The following SEM1 variants were observed in gnomAD, a reference collection of about 807,000 sequenced individuals.
SEM1 encodes the protein SEM1 26S proteasome subunit.
A neutral mutation model predicts 12.7 loss-of-function variants in SEM1; 3 were observed. The observed-to-expected ratio is 0.24, with a 90% CI of 0.11 to 0.61. The LOEUF is 0.61. Among genes scored for constraint, SEM1 ranks in the 20% least tolerant of loss-of-function variants. The pLI, the probability that SEM1 is intolerant of heterozygous loss-of-function variation, is 0.88. For missense variants in SEM1, 59 were observed against 81.3 expected (o/e 0.73, Z 1.06); for synonymous variants, 30 against 27.8 (o/e 1.08, Z -0.25).
intron 1 of SEM1, chr7:96,696,541 C>T (rs138654853): frequency 6.6e-6 from 1 of 151,910 alleles, no homozygotes; most frequent in African/African-American, 2.4e-5. Flanking sequence ...TGAGAAATAA[C>T]CTTTCTATTA....
intron 2 of SEM1, among the ~76,000 whole-genome samples, chr7:96,521,796 C>T (rs1308177999): frequency 6.6e-6 from 1 of 152,052 alleles, no homozygotes; most frequent in African/African-American, 2.4e-5. Context: ...TAAGTTTTTC[C>T]ATTTCACTGC....
intron 2 of SEM1, among the ~76,000 whole-genome samples, chr7:96,630,986 T>C (rs1052601142): frequency 1.7e-4 from 26 of 152,234 alleles, no homozygotes; most frequent in Admixed American, 1.7e-3. Flanking sequence ...CCTATCCTGC[T>C]GTGGCTGAGC....
intron 2 of SEM1, among the ~76,000 whole-genome samples, chr7:96,516,365 C>G (rs963003720): frequency 1.3e-5 from 2 of 152,016 alleles, no homozygotes; most frequent in East Asian, 3.9e-4. Context: ...CCAAAATAGA[C>G]AAAGAATTCT....
At chr7:96,497,103 A>T (rs1335797280), upstream of SEM1, among the ~76,000 whole-genome samples, 1 of 152,094 alleles carries the variant, frequency 6.6e-6, no homozygotes, top group African/African-American at 2.4e-5. Flanking sequence ...TATTAGTATG[A>T]TTCTGCATAA....
intron 2 of SEM1, among the ~76,000 whole-genome samples, chr7:96,585,653 G>C (rs914105889): frequency 6.6e-6 from 1 of 152,220 alleles, no homozygotes. Context: ...AGCCAGGTGC[G>C]GGATATAATC....
At chr7:96,677,284 C>T (rs941356849) in intron 2 of SEM1, among the ~76,000 whole-genome samples, 5 of 152,020 alleles carry the variant, frequency 3.3e-5, no homozygotes, top group Admixed American at 1.3e-4. Context: ...ACAGGTCTCC[C>T]GACATCAAGC....
intron 2 of SEM1, among the ~76,000 whole-genome samples, chr7:96,690,942 T>A (rs572298536): frequency 6.6e-6 from 1 of 152,226 alleles, no homozygotes; most frequent in African/African-American, 2.4e-5. Context: ...AGCTAATTTT[T>A]TTGTATTTTT....
intron 2 of SEM1, among the ~76,000 whole-genome samples, chr7:96,513,580 G>A (rs1803996342): frequency 6.6e-6 from 1 of 152,088 alleles, no homozygotes; most frequent in South Asian, 2.1e-4. Flanking sequence ...TGTAATCCCA[G>A]CATTTTAGGA....
intron 2 of SEM1, among the ~76,000 whole-genome samples, chr7:96,660,152 A>G (rs1439954165): frequency 6.6e-6 from 1 of 152,196 alleles, no homozygotes; most frequent in Non-Finnish European, 1.5e-5. Flanking sequence ...GATGGCTATA[A>G]TAACAGCAGA....
At position 96,674,875 on chromosome 7, in the gene SEM1, G is replaced by A. The variant is rs182841987; in HGVS notation, c.171-1016C>T. Among the ~76,000 whole-genome samples the A allele has an allele frequency of 3.3e-5, 5 of 152,206 alleles. No individual in the cohort carries two copies. The East Asian group carries it at 9.7e-4, about 30-fold the overall frequency. ...GACTCTTGACCAAGAGCCAACAAAC[G>A]GAATCCCTGTTATGCTCTCTTCTGT... On this transcript the variant is annotated intron_variant, in intron 2 of 2. Coordinates refer to the SEM1 transcript ENST00000413065.
At chr7:96,497,532 G>A (rs928826404), upstream of SEM1, among the ~76,000 whole-genome samples, 1 of 152,096 alleles carries the variant, frequency 6.6e-6, no homozygotes, top group African/African-American at 2.4e-5. Context: ...TATCACATTT[G>A]TTACTCCTTT....
intron 2 of SEM1, among the ~76,000 whole-genome samples, chr7:96,609,674 G>A (rs1225147596): frequency 6.6e-6 from 1 of 152,168 alleles, no homozygotes; most frequent in Admixed American, 6.5e-5. Context: ...TTGTACAAAA[G>A]TAATTGATAC....
chr7:96,505,603 C>A (rs1803731727), intron 3 of SEM1, among the ~76,000 whole-genome samples: 1 of 152,070 alleles, frequency 6.6e-6, no homozygotes, highest in Admixed American at 6.5e-5. Context: ...TAACAAAATA[C>A]CATATACTGG....
At chr7:96,637,712 G>C (rs750325006) in intron 2 of SEM1, among the ~76,000 whole-genome samples, 6 of 151,968 alleles carry the variant, frequency 3.9e-5, no homozygotes, top group Non-Finnish European at 1.5e-5. Flanking sequence ...CCTTTAGTCT[G>C]ACTGTTCTGC....
At chr7:96,542,646 GTAGA>G (rs1199493591) in intron 2 of SEM1, among the ~76,000 whole-genome samples, 7 of 151,842 alleles carry the variant, frequency 4.6e-5, no homozygotes, top group Non-Finnish European at 2.9e-5. Context: ...TGTTAAATAA[GTAGA>G]TAGCATTATT....
intron 2 of SEM1, among the ~76,000 whole-genome samples, chr7:96,568,800 CTT>C (rs1473777348): frequency 2.0e-5 from 3 of 151,686 alleles, no homozygotes; most frequent in Admixed American, 1.3e-4. Context: ...TAAAACAAAA[CTT>C]GTGTTTTGAA....
intron 2 of SEM1, among the ~76,000 whole-genome samples, chr7:96,586,004 T>C (rs1289380048): frequency 6.6e-6 from 1 of 152,196 alleles, no homozygotes; most frequent in Non-Finnish European, 1.5e-5. Flanking sequence ...ATTATTTCAG[T>C]TTTAAAAAAG....
At chr7:96,486,077 A>T in intron 2 of SEM1, 1 of 670,748 alleles carries the variant, frequency 1.5e-6, no homozygotes, top group Non-Finnish European at 2.5e-6. Flanking sequence ...ATCACGTGTA[A>T]AGATCACGGT....
At chr7:96,685,774 A>G (rs1789744547), downstream of SEM1, among the ~76,000 whole-genome samples, 1 of 150,240 alleles carries the variant, frequency 6.7e-6, no homozygotes, top group Non-Finnish European at 1.5e-5. Flanking sequence ...AAGTGGTAGC[A>G]TGGCTCAGTA....
Sources: allele counts gnomAD v4.1 joint callset (sites outside exome capture counted in the v4.1 genomes callset), GRCh38; gene constraint gnomAD v4.1.1; transcripts MANE v1.5; gene names NCBI Gene and HGNC (gene_info 2026-07-23, HGNC 2026-07-21).